Variants in RBFOX1 observed in about 807,000 individuals in gnomAD.
The protein encoded by RBFOX1 is RNA binding fox-1 homolog 1.
RBFOX1 carries 8 observed loss-of-function variants against 57.7 expected under a neutral mutation model. That is an observed-to-expected ratio of 0.14 (90% CI 0.08 to 0.25). The LOEUF (loss-of-function observed/expected upper bound fraction) is 0.25, where lower values mean the gene tolerates loss of function less well. Ranked by LOEUF, RBFOX1 falls within the 10% of genes least tolerant of loss-of-function variation. The probability of loss-of-function intolerance (pLI) is 1.00; values close to 1 mark genes in which losing one functional copy is unlikely to be tolerated. For missense variants in RBFOX1, 611 were observed against 548.5 expected (o/e 1.11, Z -1.14); for synonymous variants, 326 against 222.4 (o/e 1.47, Z -4.15).
At chr16:7,477,774 C>G (rs1423922255) in intron 4 of RBFOX1, among the ~76,000 whole-genome samples, 4 of 152,174 alleles carry the variant, frequency 2.6e-5, no homozygotes, top group Admixed American at 2.6e-4. Context: ...CCCTTCTCTT[C>G]CCATAACCAC....
intron 3 of RBFOX1, among the ~76,000 whole-genome samples, chr16:6,979,700 A>G (rs1034772840): frequency 6.6e-6 from 1 of 152,214 alleles, no homozygotes; most frequent in Non-Finnish European, 1.5e-5. Context: ...GTGAGGCGTT[A>G]TTATGCTTAT....
At chr16:5,354,126 T>C (rs2065329740) in intron 1 of RBFOX1, among the ~76,000 whole-genome samples, 1 of 152,140 alleles carries the variant, frequency 6.6e-6, no homozygotes, top group Non-Finnish European at 1.5e-5. Context: ...CCATCTGAGC[T>C]CAAGTCCTGG....
chr16:5,487,833 A>C (rs564071449), intron 2 of RBFOX1, among the ~76,000 whole-genome samples: 2 of 152,062 alleles, frequency 1.3e-5, no homozygotes, highest in Non-Finnish European at 1.5e-5. Flanking sequence ...ATGATGATGA[A>C]GTTGGTGGTC....
intron 2 of RBFOX1, among the ~76,000 whole-genome samples, chr16:6,432,004 A>G (rs1029087815): frequency 6.7e-6 from 1 of 149,576 alleles, no homozygotes; most frequent in East Asian, 2.0e-4. Context: ...TTCTATCACC[A>G]AGGCTGTAGT....
chr16:5,867,302 G>A lies in RBFOX1; in HGVS notation c.319-1G>A, dbSNP rs1291682527. On this transcript the variant is annotated splice_acceptor_variant, in intron 3 of 19. Transcript: ENST00000641259. LOFTEE classifies it high-confidence loss of function. Reference sequence around the variant, plus strand: ...AATGTCTTTTTTTGTTTAACTTGCAGGTTTCGGCAAGTCAGGCTACAGGCA... The same window carrying A: ...AATGTCTTTTTTTGTTTAACTTGCAAGTTTCGGCAAGTCAGGCTACAGGCA... The A allele has an allele frequency of 1.7e-6, 2 of 1,205,502 alleles. No individual in the cohort carries two copies. Among genetic ancestry groups the A allele is most frequent in the Non-Finnish European group, 2.1e-6 (2 of 964,094 alleles). The allele number at this position is 1,205,502 out of a possible 1,614,324, so 74.7% of individuals were successfully genotyped here.
chr16:5,657,704 G>GTCTT (rs1567357160), intron 3 of RBFOX1, among the ~76,000 whole-genome samples: 1 of 80,160 alleles, frequency 1.2e-5, no homozygotes, highest in Non-Finnish European at 2.7e-5. Context: ...TTCTCCTTCT[G>GTCTT]TCTTTCTCTC....
chr16:6,030,361 C>CT (rs1278774639), intron 1 of RBFOX1, among the ~76,000 whole-genome samples: 3 of 152,156 alleles, frequency 2.0e-5, no homozygotes, highest in Non-Finnish European at 4.4e-5. Flanking sequence ...TCCATGTTCC[C>CT]TTTTCACAAA....
At chr16:6,004,271 T>C (rs924616848) in intron 4 of RBFOX1, among the ~76,000 whole-genome samples, 3 of 152,216 alleles carry the variant, frequency 2.0e-5, no homozygotes, top group Non-Finnish European at 2.9e-5. Flanking sequence ...CTGCAGGCTC[T>C]GCTGCTTATT....
intron 3 of RBFOX1, among the ~76,000 whole-genome samples, chr16:6,929,276 G>C (rs997160531): frequency 1.3e-5 from 2 of 152,108 alleles, no homozygotes; most frequent in African/African-American, 4.8e-5. Context: ...TTGGATTAGA[G>C]GTAGGAAACT....
chr16:7,231,569 C>T (rs1043543182), intron 4 of RBFOX1, among the ~76,000 whole-genome samples: 1 of 152,216 alleles, frequency 6.6e-6, no homozygotes, highest in Non-Finnish European at 1.5e-5. Flanking sequence ...TAAACAGATT[C>T]ACTTGAATCC....
chr16:6,703,901 C>T (rs529930071), intron 3 of RBFOX1: 24 of 152,288 alleles, frequency 1.6e-4, no homozygotes, highest in African/African-American at 4.1e-4. Context: ...CAGCAGACTC[C>T]TCCTATCTCA....
At chr16:6,624,848 C>T (rs145913387) in intron 2 of RBFOX1, among the ~76,000 whole-genome samples, 2 of 152,176 alleles carry the variant, frequency 1.3e-5, no homozygotes, top group Non-Finnish European at 2.9e-5. Flanking sequence ...CCATGTAAGA[C>T]CAGCCCTTTG....
At chr16:6,834,444 C>T (rs115495337) in intron 3 of RBFOX1, among the ~76,000 whole-genome samples, 9 of 151,940 alleles carry the variant, frequency 5.9e-5, no homozygotes, top group African/African-American at 9.7e-5. Context: ...GGAGGGGAAG[C>T]GTCAATGGAT....
chr16:6,101,240 C>T (rs1449714379), intron 1 of RBFOX1, among the ~76,000 whole-genome samples: 1 of 152,176 alleles, frequency 6.6e-6, no homozygotes, highest in Non-Finnish European at 1.5e-5. Context: ...TCTCTGTCCT[C>T]AAAACAGCAT....
chr16:7,068,840 T>C (rs1273196645), intron 4 of RBFOX1, among the ~76,000 whole-genome samples: 1 of 152,222 alleles, frequency 6.6e-6, no homozygotes, highest in African/African-American at 2.4e-5. Context: ...CCACCTGCCA[T>C]GGCCTCCCAA....
chr16:5,679,349 A>ATTTT (rs2050260787), intron 3 of RBFOX1, among the ~76,000 whole-genome samples: 4 of 145,878 alleles, frequency 2.7e-5, no homozygotes, highest in African/African-American at 1.1e-4. Flanking sequence ...TTTTTTTTAA[A>ATTTT]AAACAATTTA....
chr16:5,894,994 G>A (rs922574832), intron 4 of RBFOX1, among the ~76,000 whole-genome samples: 2 of 152,002 alleles, frequency 1.3e-5, no homozygotes, highest in Non-Finnish European at 2.9e-5. Flanking sequence ...CTGCACTCCA[G>A]CCTGGGCAAC....
In RBFOX1 at chr16:6,927,404, C is replaced by T. The variant is rs148172473; in HGVS notation, c.-15-124653C>T. Among the ~76,000 whole-genome samples the T allele has an allele frequency of 4.5e-3, 356 of 78,768 alleles. 4 individuals carry two copies. Among genetic ancestry groups the T allele is most frequent in the African/African-American group, 0.025 (330 of 13,226 alleles). The allele number at this position is 78,768 out of a possible 152,430, so 51.7% of individuals were successfully genotyped here. A position where few individuals can be genotyped will look rare whatever the true frequency, so the allele number is the denominator to read the frequency against. Reference sequence around the variant, plus strand: ...CTCCAGCCTGGGCAACAGAGTGAGACGCTTTCTCACAAAAAAAAAAAAAAA... The same window carrying T: ...CTCCAGCCTGGGCAACAGAGTGAGATGCTTTCTCACAAAAAAAAAAAAAAA... On this transcript the variant is annotated intron_variant, in intron 3 of 15. Transcript: ENST00000550418.
chr16:6,576,534 C>G (rs9926813), intron 2 of RBFOX1, among the ~76,000 whole-genome samples: 61,553 of 151,950 alleles, frequency 0.41, 13,984 homozygotes, highest in East Asian at 0.66. Flanking sequence ...CATTGAAATG[C>G]TATGGCTCAC....
Sources: allele counts gnomAD v4.1 joint callset (sites outside exome capture counted in the v4.1 genomes callset), GRCh38; gene constraint gnomAD v4.1.1; transcripts MANE v1.5; gene names NCBI Gene and HGNC (gene_info 2026-07-23, HGNC 2026-07-21).